Variants in CTNS observed in about 807,000 individuals in gnomAD.
The protein encoded by CTNS is cystinosin, lysosomal cystine transporter, also known as cystinosin.
CTNS carries 27 observed loss-of-function variants against 43.7 expected under a neutral mutation model. The observed-to-expected ratio is 0.62, with a 90% CI of 0.46 to 0.85. CTNS has a LOEUF of 0.85. Among genes scored for constraint, CTNS ranks in the 40% least tolerant of loss-of-function variants. CTNS has a pLI of 0.00. For synonymous variants in CTNS, 187 were observed against 190.6 expected (o/e 0.98, Z 0.16); for missense variants, 457 against 475.4 (o/e 0.96, Z 0.36).
Position 3,655,120 on chromosome 17 carries a change from GTGC to G in CTNS, c.329+20_329+22del. ...AGACCGGGTAGGCTGGCCTCAGGGT[GTGC>G]GGGCCTCACGTGACAAGAAGGGGGC... is the stretch of plus-strand genomic sequence containing the variant. On this transcript the variant is annotated intron_variant, in intron 6 of 11. Transcript: ENST00000046640. 6.2e-7 allele frequency: 1 copy of G among 1,613,654 alleles called. No homozygotes were observed. Among genetic ancestry groups the G allele is most frequent in the South Asian group, 1.1e-5 (1 of 91,082 alleles).
chr17:3,652,993 A>G (rs2076022820), intron 5 of CTNS, among the ~76,000 whole-genome samples: 1 of 152,146 alleles, frequency 6.6e-6, no homozygotes, highest in South Asian at 2.1e-4. Context: ...AGGATGTGGT[A>G]GAGCGCCTGT....
chr17:3,641,385 T>TG lies in CTNS; in HGVS notation c.61+1118_61+1119insG, dbSNP rs57286057. 6.7e-4 allele frequency among the ~76,000 whole-genome samples: 28 copies of TG among 42,076 alleles called. No individual in the cohort carries two copies. In the South Asian group the frequency reaches 0.024, roughly 36 times the overall value. 27.6% of individuals were successfully genotyped at this position (42,076 alleles called of 152,430 possible). Reference sequence around the variant, plus strand: ...ATATATATATATATATATATATATATTTTTTTTTTTTTTTTTTTTTTTTTG... The same window carrying TG: ...ATATATATATATATATATATATATATGTTTTTTTTTTTTTTTTTTTTTTTTG... On this transcript the variant is annotated intron_variant, in intron 3 of 11. Coordinates refer to ENST00000046640, the MANE Select transcript of CTNS (RefSeq NM_004937.3).
At chr17:3,646,667 G>A (rs1223971385) in intron 3 of CTNS, among the ~76,000 whole-genome samples, 1 of 152,100 alleles carries the variant, frequency 6.6e-6, no homozygotes, top group African/African-American at 2.4e-5. Context: ...CAGCTCCTGG[G>A]CTCAAGCAGT....
intron 5 of CTNS, chr17:3,650,142 A>G: frequency 6.5e-7 from 1 of 1,548,570 alleles, no homozygotes; most frequent in Non-Finnish European, 8.7e-7. Flanking sequence ...AAATATATAC[A>G]CTTTTTATTT....
At chr17:3,656,446 T>TC in intron 7 of CTNS, 41 bp from the exon 8 acceptor site, 1 of 1,206,102 alleles carries the variant, frequency 8.3e-7, no homozygotes, top group Non-Finnish European at 1.1e-6. Context: ...CCCCTGCCAG[T>TC]CTTCACCCCC....
Position 3,647,332 on chromosome 17 carries a change from C to T in CTNS, c.62-112C>T, listed in dbSNP as rs1597619445. On this transcript the variant is annotated intron_variant, in intron 3 of 11. Transcript: ENST00000046640. ...TGCAGTCCCATCACAGAATAGGGCT[C>T]GTCAGAGAGTCAGAGCTCAGGAGTT... The T allele has an allele frequency of 9.0e-6, 8 of 889,586 alleles. No homozygotes were observed. The East Asian group carries it at 9.9e-5, about 11-fold the overall frequency. The allele number at this position is 889,586 out of a possible 1,614,324, so 55.1% of individuals were successfully genotyped here.
intron 7 of CTNS, chr17:3,655,731 T>C (rs1384699635): frequency 3.0e-6 from 1 of 333,004 alleles, no homozygotes; most frequent in African/African-American, 2.2e-5. Flanking sequence ...TGTCCCACCT[T>C]GACTTGCAAA....
intron 5 of CTNS, among the ~76,000 whole-genome samples, chr17:3,652,430 A>T (rs1283415247): frequency 6.6e-6 from 1 of 152,144 alleles, no homozygotes; most frequent in Non-Finnish European, 1.5e-5. Context: ...AGTCTCTACT[A>T]AAAATACAAA....
intron 10 of CTNS, among the ~76,000 whole-genome samples, chr17:3,659,244 T>C (rs2076228037): frequency 6.6e-6 from 1 of 152,066 alleles, no homozygotes. Flanking sequence ...CTCTGCAGCA[T>C]GGGAGGACGT....
intron 7 of CTNS, chr17:3,655,647 C>T (rs2076112133): frequency 2.3e-6 from 1 of 435,212 alleles, no homozygotes; most frequent in Non-Finnish European, 4.3e-6. Context: ...TCGTGAATCT[C>T]CTCTGCGCTG....
rs551449629 is a variant in CTNS, at chr17:3,647,607, G to A, written c.140+85G>A. 9 of 1,161,304 alleles carry A rather than the reference G, an allele frequency of 7.7e-6. No homozygotes were observed. The South Asian group carries it at 9.9e-5, about 13-fold the overall frequency. The allele number at this position is 1,161,304 out of a possible 1,614,324, so 71.9% of individuals were successfully genotyped here. Reference sequence around the variant, plus strand: ...GCTGACCCCTGGCTCAGTCTGTTCAGATTTCAGATGCGCTATTCTTGCCTC... The same window carrying A: ...GCTGACCCCTGGCTCAGTCTGTTCAAATTTCAGATGCGCTATTCTTGCCTC... On this transcript the variant is annotated intron_variant, in intron 4 of 11. Coordinates refer to ENST00000046640, the MANE Select transcript of CTNS (RefSeq NM_004937.3).
rs980840947 is a variant in CTNS, at chr17:3,637,121, G to C, written c.-215G>C. The C allele has an allele frequency of 6.6e-6, 1 of 152,318 alleles. No homozygotes were observed. Among genetic ancestry groups the C allele is most frequent in the Admixed American group, 6.5e-5 (1 of 15,284 alleles). 9.4% of individuals were successfully genotyped at this position (152,318 alleles called of 1,614,324 possible). On this transcript the variant is annotated 5_prime_UTR_variant, in exon 2 of 12. Transcript: ENST00000046640. Reference sequence around the variant, plus strand: ...GGAATTTGCAGATTGCTTTGGAGACGCTGAGAGAACCTTTGCGAGAGCGCC... The same window carrying C: ...GGAATTTGCAGATTGCTTTGGAGACCCTGAGAGAACCTTTGCGAGAGCGCC...
rs1278047650 is a variant in CTNS at position 3,656,575 on chromosome 17, C to T, written c.550C>T (p.Pro184Ser). ...ATTCAACATCGGCCTCCTCTGGGTGCCCTACATCAAGGTACGGCCTTGCCT... is the reference window on the plus strand; with the variant it reads ...ATTCAACATCGGCCTCCTCTGGGTGTCCTACATCAAGGTACGGCCTTGCCT... The part of the protein sequence containing the change: ...SVFNIGLLWV[P>S]YIKEQFLLKY... Residue 184 changes from proline to serine, a missense_variant, in exon 8 of 12, where the codon CCC (proline) becomes TCC (serine). By Grantham distance (74) the Pro-to-Ser change is moderately conservative. Transcript: ENST00000046640. The T allele has an allele frequency of 6.2e-7, 1 of 1,611,230 alleles. No homozygotes were observed. Among genetic ancestry groups the T allele is most frequent in the South Asian group, 1.1e-5 (1 of 90,896 alleles).
At chr17:3,641,375 TATA>T (rs1198094207) in intron 3 of CTNS, among the ~76,000 whole-genome samples, 972 of 55,134 alleles carry the variant, frequency 0.018, 102 homozygotes, top group Non-Finnish European at 0.021. Flanking sequence ...TATATATATA[TATA>T]TATATATTTT....
chr17:3,646,480 G>C (rs1264766944), intron 3 of CTNS, among the ~76,000 whole-genome samples: 2 of 151,994 alleles, frequency 1.3e-5, no homozygotes, highest in African/African-American at 4.8e-5. Context: ...GTAGAGACAG[G>C]GTTTCACCAT....
chr17:3,647,600 C>A, intron 4 of CTNS, 78 bp downstream of exon 4: 2 of 1,287,612 alleles, frequency 1.6e-6, no homozygotes, highest in South Asian at 1.2e-5. Flanking sequence ...CTGGCTCAGT[C>A]TGTTCAGATT....
chr17:3,642,832 C>T (rs895927349), intron 3 of CTNS, among the ~76,000 whole-genome samples: 1 of 152,186 alleles, frequency 6.6e-6, no homozygotes, highest in Non-Finnish European at 1.5e-5. Context: ...AGATGATTGG[C>T]CTTCAGACTT....
Position 3,651,253 on chromosome 17 carries a change from C to A in CTNS, c.225+2322C>A, listed in dbSNP as rs1483632119. On this transcript the variant is annotated intron_variant, in intron 5 of 11. Transcript: ENST00000046640. ...GGGATTACAGGCACACACCACCACA[C>A]CCGGCTAATTTTTGTGTTTTTAGTA... Among the ~76,000 whole-genome samples the A allele has an allele frequency of 2.0e-5, 3 of 151,918 alleles. No individual in the cohort carries two copies. The East Asian group carries it at 5.8e-4, about 29-fold the overall frequency.
At chr17:3,653,466 G>A (rs1362722279) in intron 5 of CTNS, among the ~76,000 whole-genome samples, 1 of 152,152 alleles carries the variant, frequency 6.6e-6, no homozygotes, top group African/African-American at 2.4e-5. Flanking sequence ...GATCCTCACG[G>A]TACCTGCAAT....
Sources: gnomAD v4.1 joint callset for allele counts (sites outside exome capture counted in the v4.1 genomes callset) on GRCh38, gnomAD v4.1.1 for gene constraint, MANE v1.5 for transcripts, NCBI Gene and HGNC (gene_info 2026-07-23, HGNC 2026-07-21) for gene names.